RBFOX1: variants seen among roughly 807,000 people sequenced by gnomAD.
RBFOX1 encodes RNA binding protein fox-1 homolog 1.
RBFOX1 carries 8 observed loss-of-function variants against 57.7 expected under a neutral mutation model. That is an observed-to-expected ratio of 0.14 (90% confidence interval 0.08 to 0.25). The LOEUF is 0.25. Ranked by LOEUF, RBFOX1 falls within the 10% of genes least tolerant of loss-of-function variation. RBFOX1 has a pLI of 1.00. For synonymous variants in RBFOX1, 326 were observed against 222.4 expected (o/e 1.47, Z -4.15); for missense variants, 611 against 548.5 (o/e 1.11, Z -1.14).
chr16:7,295,122 G>A (rs764987433), intron 4 of RBFOX1, among the ~76,000 whole-genome samples: 6 of 152,184 alleles, frequency 3.9e-5, no homozygotes. Context: ...GATACAGTTG[G>A]TGAAGATTTT....
chr16:7,079,988 T>G lies in RBFOX1; in HGVS notation c.27+27890T>G, dbSNP rs180797747. Among the ~76,000 whole-genome samples, 53 of 146,632 alleles carry G rather than the reference T, an allele frequency of 3.6e-4. No homozygotes were observed. In the East Asian group the frequency reaches 6.9e-3, roughly 19 times the overall value. On this transcript the variant is annotated intron_variant, in intron 4 of 15. Coordinates refer to ENST00000550418, the MANE Select transcript of RBFOX1 (RefSeq NM_018723.4). ...TATGCATTTAAATTAGTTAAAATAT[T>G]AAATTCATTGTGTATATATATATAC...
At chr16:6,211,078 T>C (rs1418383892) in intron 1 of RBFOX1, among the ~76,000 whole-genome samples, 1 of 151,880 alleles carries the variant, frequency 6.6e-6, no homozygotes, top group Non-Finnish European at 1.5e-5. Flanking sequence ...ATGGAAAACA[T>C]CAAGAAAGAT....
intron 3 of RBFOX1, among the ~76,000 whole-genome samples, chr16:5,714,870 C>T (rs1448205319): frequency 6.6e-6 from 1 of 152,166 alleles, no homozygotes; most frequent in Non-Finnish European, 1.5e-5. Context: ...GGTCACGTAG[C>T]TAGTAGACAT....
At chr16:6,147,088 C>T (rs569678300) in intron 1 of RBFOX1, among the ~76,000 whole-genome samples, 1 of 152,234 alleles carries the variant, frequency 6.6e-6, no homozygotes, top group Non-Finnish European at 1.5e-5. Context: ...AGCTTCCACC[C>T]ACGGAATCAG....
chr16:7,418,082 C>G (rs977761546), intron 4 of RBFOX1, among the ~76,000 whole-genome samples: 13 of 152,258 alleles, frequency 8.5e-5, no homozygotes, highest in African/African-American at 2.9e-4. Context: ...CTGTCACTCT[C>G]TGCCCAACCC....
chr16:6,963,188 C>G (rs149773562), intron 3 of RBFOX1, among the ~76,000 whole-genome samples: 1 of 151,904 alleles, frequency 6.6e-6, no homozygotes, highest in Non-Finnish European at 1.5e-5. Flanking sequence ...TATTTTTTTT[C>G]GGAGTCCGTC....
At chr16:7,435,176 C>T (rs1286583791) in intron 4 of RBFOX1, among the ~76,000 whole-genome samples, 1 of 151,900 alleles carries the variant, frequency 6.6e-6, no homozygotes, top group East Asian at 1.9e-4. Context: ...AATTAATTGC[C>T]ATGTCTTCTT....
chr16:5,820,443 G>T (rs558049179), intron 3 of RBFOX1, among the ~76,000 whole-genome samples: 10 of 152,160 alleles, frequency 6.6e-5, no homozygotes, highest in Non-Finnish European at 1.3e-4. Context: ...TGGCTGGACC[G>T]TGCCGGGATT....
chr16:6,816,710 A>C (rs2090148738), intron 3 of RBFOX1, among the ~76,000 whole-genome samples: 1 of 146,628 alleles, frequency 6.8e-6, no homozygotes, highest in African/African-American at 2.5e-5. Flanking sequence ...ACTGCACTCC[A>C]GCCTGGGTGA....
chr16:7,635,880 G>A (rs551249854), intron 11 of RBFOX1, among the ~76,000 whole-genome samples: 5 of 152,072 alleles, frequency 3.3e-5, no homozygotes, highest in Admixed American at 6.5e-5. Flanking sequence ...GCGCAGTCCC[G>A]GCTCACTGCA....
At chr16:5,607,576 C>T (rs932333135) in intron 3 of RBFOX1, among the ~76,000 whole-genome samples, 21 of 152,268 alleles carry the variant, frequency 1.4e-4, no homozygotes, top group African/African-American at 5.1e-4. Context: ...TTTTCTCCTT[C>T]CTATCTCCTG....
chr16:5,810,738 C>T (rs1309181735), intron 3 of RBFOX1, among the ~76,000 whole-genome samples: 1 of 152,214 alleles, frequency 6.6e-6, no homozygotes, highest in African/African-American at 2.4e-5. Flanking sequence ...GACCTCATAG[C>T]TTCCTTGTTC....
intron 2 of RBFOX1, among the ~76,000 whole-genome samples, chr16:6,513,136 A>C (rs965045180): frequency 2.6e-5 from 4 of 152,202 alleles, no homozygotes; most frequent in African/African-American, 9.7e-5. Context: ...TTCTTAAGTG[A>C]AATCTTAGGT....
chr16:6,149,245 G>A (rs1219999378), intron 1 of RBFOX1, among the ~76,000 whole-genome samples: 2 of 152,196 alleles, frequency 1.3e-5, no homozygotes, highest in Non-Finnish European at 2.9e-5. Flanking sequence ...GGATGTGTGT[G>A]GCTGCTTGTG....
chr16:5,828,422 C>A (rs1457743270), intron 3 of RBFOX1, among the ~76,000 whole-genome samples: 1 of 152,132 alleles, frequency 6.6e-6, no homozygotes, highest in Non-Finnish European at 1.5e-5. Context: ...GAAAAAAATG[C>A]AACCACCGGG....
chr16:7,096,848 C>G (rs564802308), intron 4 of RBFOX1, among the ~76,000 whole-genome samples: 1 of 142,808 alleles, frequency 7.0e-6, no homozygotes, highest in Admixed American at 7.6e-5. Context: ...AAGAGAATCA[C>G]TTGAACCCGG....
At chr16:5,423,749 T>C (rs1433434691) in intron 1 of RBFOX1, among the ~76,000 whole-genome samples, 1 of 152,210 alleles carries the variant, frequency 6.6e-6, no homozygotes, top group African/African-American at 2.4e-5. Context: ...AATCATCTTG[T>C]GAAATTGGCT....
At chr16:7,212,360 C>T (rs1603249982) in intron 4 of RBFOX1, among the ~76,000 whole-genome samples, 1 of 152,264 alleles carries the variant, frequency 6.6e-6, no homozygotes, top group South Asian at 2.1e-4. Context: ...CCTGTAGCCG[C>T]GTTGACCCTA....
At chr16:5,725,173 T>A (rs2052095349) in intron 3 of RBFOX1, among the ~76,000 whole-genome samples, 1 of 152,176 alleles carries the variant, frequency 6.6e-6, no homozygotes, top group Non-Finnish European at 1.5e-5. Context: ...AGGCTGTTGG[T>A]TAATGAGCAT....
Sources: allele counts gnomAD v4.1 joint callset (sites outside exome capture counted in the v4.1 genomes callset), GRCh38; gene constraint gnomAD v4.1.1; transcripts MANE v1.5; gene names NCBI Gene and HGNC (gene_info 2026-07-23, HGNC 2026-07-21).